The following SPIDR variants were observed in gnomAD, a reference collection of about 807,000 sequenced individuals.
SPIDR encodes DNA repair-scaffolding protein.
A neutral mutation model predicts 104.6 loss-of-function variants in SPIDR; 93 were observed. The ratio of observed to expected loss-of-function variants is 0.89; its 90% CI spans 0.75 to 1.06. SPIDR has a LOEUF of 1.06. Among genes scored for constraint, SPIDR ranks in the 50% least tolerant of loss-of-function variants. The pLI is 0.00. For missense variants in SPIDR, 1,154 were observed against 1,111.2 expected, an observed-to-expected ratio of 1.04 and a Z score of -0.55; for synonymous variants, 431 against 416.9, an observed-to-expected ratio of 1.03 and a Z score of -0.41.
chr8:47,541,151 C>T (rs963600839), intron 8 of SPIDR, among the ~76,000 whole-genome samples: 2 of 152,200 alleles, frequency 1.3e-5, no homozygotes, highest in Admixed American at 1.3e-4. Context: ...CGAGCCACTG[C>T]GCCCAACCAA....
chr8:47,689,090 A>G (rs2078248852), intron 11 of SPIDR, among the ~76,000 whole-genome samples: 1 of 152,138 alleles, frequency 6.6e-6, no homozygotes, highest in African/African-American at 2.4e-5. Flanking sequence ...TGTATAATTT[A>G]TGTGTTGTAG....
chr8:47,512,157 C>T (rs2082430048), intron 8 of SPIDR: 6 of 402,808 alleles, frequency 1.5e-5, no homozygotes, highest in East Asian at 1.1e-4. Context: ...TCATCCCATG[C>T]GCCTCCCCAC....
intron 11 of SPIDR, among the ~76,000 whole-genome samples, chr8:47,683,743 G>C (rs1002114458): frequency 2.0e-5 from 3 of 152,114 alleles, no homozygotes; most frequent in African/African-American, 7.2e-5. Flanking sequence ...CTCAACTTTG[G>C]TCAGACCATC....
intron 8 of SPIDR, among the ~76,000 whole-genome samples, chr8:47,519,780 G>A (rs1259828529): frequency 2.0e-5 from 3 of 152,138 alleles, no homozygotes; most frequent in Middle Eastern, 3.4e-3. Flanking sequence ...GCAAGACCCT[G>A]CCTCAACAAA....
chr8:47,452,612 C>T lies in SPIDR; in HGVS notation c.1097+12070C>T, dbSNP rs544250742. On this transcript the variant is annotated intron_variant, in intron 8 of 19. Transcript: ENST00000297423. ...TATAAACAGAACCAAAGACAAAAAC[C>T]ACATCATTATCTCAATAGATGCAGA... Among the ~76,000 whole-genome samples, 4 of 152,210 alleles carry T rather than the reference C, an allele frequency of 2.6e-5. No individual in the cohort carries two copies. The South Asian group carries it at 8.3e-4, about 32-fold the overall frequency.
chr8:47,714,326 G>C (rs1422002641), intron 16 of SPIDR, among the ~76,000 whole-genome samples: 1 of 152,130 alleles, frequency 6.6e-6, no homozygotes, highest in African/African-American at 2.4e-5. Context: ...CGAGCTCCTG[G>C]CTCAGTTGAG....
chr8:47,482,178 A>G (rs547635958), intron 8 of SPIDR, among the ~76,000 whole-genome samples: 1 of 152,286 alleles, frequency 6.6e-6, no homozygotes, highest in Admixed American at 6.5e-5. Context: ...CTATGCTTTG[A>G]AATCTTCTCT....
At position 47,678,836 on chromosome 8, in the gene SPIDR, G is replaced by T. The variant is rs113750489; in HGVS notation, c.1685+4895G>T. On this transcript the variant is annotated intron_variant, in intron 11 of 19. Transcript: ENST00000297423. ...AAGCTATTGTCTAAACACCAAATTT[G>T]ATTTTTACGGCAGCAGATTAAGTGG... Among the ~76,000 whole-genome samples, 408 of 152,268 alleles carry T rather than the reference G, an allele frequency of 2.7e-3. 2 individuals carry two copies. Among genetic ancestry groups the T allele is most frequent in the African/African-American group, 9.5e-3 (393 of 41,554 alleles).
At chr8:47,367,698 C>T (rs1363432695) in intron 5 of SPIDR, among the ~76,000 whole-genome samples, 2 of 152,242 alleles carry the variant, frequency 1.3e-5, no homozygotes, top group Non-Finnish European at 2.9e-5. Flanking sequence ...GCCCACTCCA[C>T]TCCTTTCATA....
chr8:47,511,694 C>G, intron 8 of SPIDR: 1 of 959,442 alleles, frequency 1.0e-6, no homozygotes, highest in Non-Finnish European at 1.7e-6. Context: ...CCATCTCCGG[C>G]AAATGGTCTT....
intron 10 of SPIDR, among the ~76,000 whole-genome samples, chr8:47,601,422 G>A (rs372325142): frequency 5.3e-5 from 8 of 152,182 alleles, no homozygotes; most frequent in African/African-American, 1.2e-4. Flanking sequence ...GAGGCTAGGC[G>A]CGGTGGCTCA....
chr8:47,604,977 T>C (rs1563293059), intron 10 of SPIDR, among the ~76,000 whole-genome samples: 1 of 152,192 alleles, frequency 6.6e-6, no homozygotes, highest in Non-Finnish European at 1.5e-5. Flanking sequence ...TATATTTGTT[T>C]ATGGTGCCAA....
chr8:47,396,755 T>G, intron 6 of SPIDR, 129 bp downstream of exon 6: 1 of 980,478 alleles, frequency 1.0e-6, no homozygotes, highest in African/African-American at 1.7e-5. Flanking sequence ...TAATGGAATG[T>G]TCATCGAAGT....
intron 5 of SPIDR, among the ~76,000 whole-genome samples, chr8:47,337,862 G>A (rs2050060084): frequency 6.6e-6 from 1 of 152,116 alleles, no homozygotes; most frequent in African/African-American, 2.4e-5. Flanking sequence ...TCAAGGTCAT[G>A]GCACCCTTGT....
chr8:47,444,099 A>G (rs542934530), intron 8 of SPIDR, among the ~76,000 whole-genome samples: 4 of 152,378 alleles, frequency 2.6e-5, no homozygotes, highest in Non-Finnish European at 5.9e-5. Context: ...CTCATGTCCC[A>G]TAGTTTCAAC....
chr8:47,338,642 C>T (rs1369862445), intron 5 of SPIDR, among the ~76,000 whole-genome samples: 1 of 152,130 alleles, frequency 6.6e-6, no homozygotes, highest in Non-Finnish European at 1.5e-5. Context: ...AGTTCTTGTG[C>T]ATGATTGAAC....
chr8:47,492,030 C>G (rs1554740186), intron 8 of SPIDR, among the ~76,000 whole-genome samples: 1 of 152,170 alleles, frequency 6.6e-6, no homozygotes, highest in Non-Finnish European at 1.5e-5. Context: ...GTGACACTAC[C>G]TGTGGATAGT....
intron 10 of SPIDR, among the ~76,000 whole-genome samples, chr8:47,626,015 G>C (rs1039129060): frequency 6.6e-6 from 1 of 152,142 alleles, no homozygotes; most frequent in African/African-American, 2.4e-5. Context: ...AACCAAAACA[G>C]CATGGTACTG....
intron 5 of SPIDR, among the ~76,000 whole-genome samples, chr8:47,373,296 T>C (rs1044914820): frequency 6.6e-6 from 1 of 152,210 alleles, no homozygotes; most frequent in Non-Finnish European, 1.5e-5. Context: ...ACTATCATTG[T>C]GTCACTCTTA....
Sources: gnomAD v4.1 joint callset for allele counts (sites outside exome capture counted in the v4.1 genomes callset) on GRCh38, gnomAD v4.1.1 for gene constraint, MANE v1.5 for transcripts, NCBI Gene and HGNC (gene_info 2026-07-23, HGNC 2026-07-21) for gene names.